Variants in ARFGEF3 observed in about 807,000 individuals in gnomAD.
ARFGEF3 encodes the protein brefeldin A-inhibited guanine nucleotide-exchange protein 3.
A neutral mutation model predicts 221.7 loss-of-function variants in ARFGEF3; 96 were observed. The ratio of observed to expected loss-of-function variants is 0.43; its 90% CI spans 0.37 to 0.51. The LOEUF is 0.51. ARFGEF3 is among the 20% of genes least tolerant of loss of function. The pLI is 0.00. For synonymous variants in ARFGEF3, 1,145 were observed against 1,126.8 expected (o/e 1.02, Z -0.32); for missense variants, 2,410 against 2,789.9 (o/e 0.86, Z 3.07).
chr6:138,162,574 A>T lies in ARFGEF3; in HGVS notation c.85+403A>T, dbSNP rs540580077. 6.6e-6 allele frequency among the ~76,000 whole-genome samples: 1 copy of T among 152,204 alleles called. No individual in the cohort carries two copies. Among genetic ancestry groups the T allele is most frequent in the Non-Finnish European group, 1.5e-5 (1 of 68,026 alleles). ...CAACCCCGATGTCGAATCCTTGGCGAGTGGAACCAGGAAGGAAAGGCTTGT... is the reference window on the plus strand; with the variant it reads ...CAACCCCGATGTCGAATCCTTGGCGTGTGGAACCAGGAAGGAAAGGCTTGT... On this transcript the variant is annotated intron_variant, in intron 1 of 33. Transcript: ENST00000251691. This position sits in a 1 kb window ranked among gnomAD's most constrained non-coding sequence, Gnocchi z 4.7.
At chr6:138,167,296 A>G (rs1776741611) in intron 1 of ARFGEF3, among the ~76,000 whole-genome samples, 1 of 152,172 alleles carries the variant, frequency 6.6e-6, no homozygotes, top group South Asian at 2.1e-4. Flanking sequence ...GAACACACAC[A>G]TACCCACAGC....
chr6:138,205,928 CAG>C (rs1777617503), intron 2 of ARFGEF3, among the ~76,000 whole-genome samples: 1 of 152,226 alleles, frequency 6.6e-6, no homozygotes, highest in African/African-American at 2.4e-5. Context: ...AGCAGAGCTG[CAG>C]AGTGGACAGG....
chr6:138,285,878 G>T, intron 14 of ARFGEF3, 68 bp from the exon 15 acceptor site: 1 of 854,792 alleles, frequency 1.2e-6, no homozygotes, highest in Non-Finnish European at 2.0e-6. Context: ...GAATATTGTG[G>T]TGGCCATTTG....
At position 138,162,741 on chromosome 6, in the gene ARFGEF3, G is replaced by A. The variant is rs78824391; in HGVS notation, c.85+570G>A. Among the ~76,000 whole-genome samples, 273 of 152,312 alleles carry A rather than the reference G, an allele frequency of 1.8e-3. 1 individual carries two copies. Among genetic ancestry groups the A allele is most frequent in the Non-Finnish European group, 3.4e-3 (230 of 68,028 alleles). The stretch of plus-strand genomic sequence containing the variant: ...TGCCCTTCAGACAGGTGGGATTTTA[G>A]GGCTGTGAGCTGTGCTAGCGTTGAA... On this transcript the variant is annotated intron_variant, in intron 1 of 33. Coordinates refer to ENST00000251691, the MANE Select transcript of ARFGEF3 (RefSeq NM_020340.5). The surrounding 1 kb of genome is among the most constrained non-coding windows in gnomAD (Gnocchi z 4.7).
chr6:138,162,213 C>T lies in ARFGEF3; in HGVS notation c.85+42C>T, dbSNP rs1282663175. ...TGCTCGCCGCGGCGGGAGGGCCGCG[C>T]GGCCGGGGCTGAACCCGCGCCTCCG... On this transcript the variant is annotated intron_variant, in intron 1 of 33. Transcript: ENST00000251691. This position sits in a 1 kb window ranked among gnomAD's most constrained non-coding sequence, Gnocchi z 4.7. 2.7e-6 allele frequency: 4 copies of T among 1,502,362 alleles called. No homozygotes were observed. The highest frequency in any genetic ancestry group is 3.6e-6 in the Non-Finnish European group (4 of 1,096,816). 93.1% of individuals were successfully genotyped at this position (1,502,362 alleles called of 1,614,324 possible).
In ARFGEF3 at chr6:138,328,092, C is replaced by T. The variant is rs1467518843; in HGVS notation, c.5073C>T (p.Leu1691=). The change falls in exon 32 of 34, where the codon CTC becomes CTT. Residue 1691 remains leucine, a synonymous_variant. Transcript: ENST00000251691. The part of the protein sequence containing the change: ...NNFDHAQSCQ[L]IIELPPDEKP... ...TTGACCACGCTCAGTCCTGCCAGCT[C>T]ATTATTGAGCTGCCTCCTGATGAAA... 2.5e-6 allele frequency: 4 copies of T among 1,579,428 alleles called. No individual in the cohort carries two copies. Among genetic ancestry groups the T allele is most frequent in the Non-Finnish European group, 3.4e-6 (4 of 1,161,412 alleles).
intron 2 of ARFGEF3, among the ~76,000 whole-genome samples, chr6:138,201,316 T>C (rs1417286480): frequency 6.6e-6 from 1 of 152,210 alleles, no homozygotes; most frequent in Non-Finnish European, 1.5e-5. Context: ...ATCCCACTAC[T>C]GGATATCTAC....
intron 12 of ARFGEF3, among the ~76,000 whole-genome samples, chr6:138,277,741 A>G (rs1039484821): frequency 2.0e-5 from 3 of 152,240 alleles, no homozygotes; most frequent in African/African-American, 7.2e-5. Flanking sequence ...CATTGATTTT[A>G]TAGTGGTGAT....
rs754039889 is a variant in ARFGEF3 at position 138,285,954 on chromosome 6, G to A, written c.2470G>A (p.Gly824Ser). The change falls in exon 15 of 34, where the codon GGC (glycine) becomes AGC (serine). Residue 824 changes from glycine to serine, a missense_variant. Physicochemically the swap from Gly to Ser is moderately conservative, Grantham distance 56 (BLOSUM62 0). Around this residue, in one of 5 missense-constraint regions of ARFGEF3, gnomAD observed 594 missense variants for 734.3 expected, o/e 0.81. Coordinates refer to ENST00000251691, the MANE Select transcript of ARFGEF3 (RefSeq NM_020340.5). ...PLITMLTDIDGLESSAIGGQL... is the reference protein window; with the variant it reads ...PLITMLTDIDSLESSAIGGQL... ...TTCTTTTTCCTTGACAGATATTGACGGCTTAGAGAGCAGTGCCATTGGTGG... is the reference window on the plus strand; with the variant it reads ...TTCTTTTTCCTTGACAGATATTGACAGCTTAGAGAGCAGTGCCATTGGTGG... The A allele has an allele frequency of 3.8e-5, 61 of 1,608,642 alleles. No individual in the cohort carries two copies. Among genetic ancestry groups the A allele is most frequent in the Non-Finnish European group, 3.7e-5 (43 of 1,176,658 alleles).
intron 27 of ARFGEF3, among the ~76,000 whole-genome samples, chr6:138,317,835 C>T (rs1295200097): frequency 1.3e-5 from 2 of 152,046 alleles, no homozygotes; most frequent in Non-Finnish European, 2.9e-5. Flanking sequence ...AGCAACACCC[C>T]GTTTGTGTAA....
chr6:138,219,922 A>G (rs997522659), intron 4 of ARFGEF3, among the ~76,000 whole-genome samples: 5 of 152,224 alleles, frequency 3.3e-5, no homozygotes, highest in Admixed American at 1.3e-4. Flanking sequence ...TGATTCTTGT[A>G]TACTGATTTC....
At position 138,237,513 on chromosome 6, in the gene ARFGEF3, A is replaced by T. The variant is rs192888378; in HGVS notation, c.421-996A>T. On this transcript the variant is annotated intron_variant, in intron 5 of 33. Coordinates refer to ENST00000251691, the MANE Select transcript of ARFGEF3 (RefSeq NM_020340.5). ...TTAGCAGCATATTATCAAATGAGGGATTTTTTTTTCTAATTGAGATTTCTC... is the reference window on the plus strand; with the variant it reads ...TTAGCAGCATATTATCAAATGAGGGTTTTTTTTTTCTAATTGAGATTTCTC... 6.1e-3 allele frequency among the ~76,000 whole-genome samples: 925 copies of T among 151,700 alleles called. 5 individuals are homozygous for T. The highest frequency in any genetic ancestry group is 0.021 in the African/African-American group (855 of 41,370).
Position 138,162,300 on chromosome 6 carries a change from T to C in ARFGEF3, c.85+129T>C. On this transcript the variant is annotated intron_variant, in intron 1 of 33. Coordinates refer to ENST00000251691, the MANE Select transcript of ARFGEF3 (RefSeq NM_020340.5). This position sits in a 1 kb window ranked among gnomAD's most constrained non-coding sequence, Gnocchi z 4.7. ...CGTTCTGGCGATTGCGAGAGTCGCCTCGGGAAATTGATGTGGGATTTGAGA... is the reference window on the plus strand; with the variant it reads ...CGTTCTGGCGATTGCGAGAGTCGCCCCGGGAAATTGATGTGGGATTTGAGA... 1.0e-5 allele frequency: 6 copies of C among 580,162 alleles called. No homozygotes were observed. In the South Asian group the frequency reaches 1.4e-4, roughly 13 times the overall value. The allele number at this position is 580,162 out of a possible 1,614,324, so 35.9% of individuals were successfully genotyped here. A position where few individuals can be genotyped will look rare whatever the true frequency, so the allele number is the denominator to read the frequency against.
chr6:138,203,194 G>A (rs961019891), intron 2 of ARFGEF3, among the ~76,000 whole-genome samples: 11 of 152,042 alleles, frequency 7.2e-5, no homozygotes, highest in Admixed American at 2.6e-4. Context: ...ACTAAAATGG[G>A]TTAAGAAGCA....
At chr6:138,295,378 AG>A (rs35137148) in intron 20 of ARFGEF3, among the ~76,000 whole-genome samples, 1 of 151,846 alleles carries the variant, frequency 6.6e-6, no homozygotes, top group African/African-American at 2.4e-5. Flanking sequence ...CCAGCACTTT[AG>A]GAGGCCGAGG....
chr6:138,310,514 C>A (rs373869097), intron 24 of ARFGEF3, among the ~76,000 whole-genome samples: 1 of 152,322 alleles, frequency 6.6e-6, no homozygotes, highest in South Asian at 2.1e-4. Context: ...TTGCCAAAAA[C>A]ATTTGCTAAC....
intron 10 of ARFGEF3, among the ~76,000 whole-genome samples, chr6:138,260,173 A>C (rs1051599499): frequency 6.6e-6 from 1 of 151,908 alleles, no homozygotes. Context: ...CAGCCTTGTC[A>C]CTCTTTTTTT....
intron 5 of ARFGEF3, among the ~76,000 whole-genome samples, chr6:138,236,669 G>C (rs922720092): frequency 1.3e-5 from 2 of 152,030 alleles, no homozygotes; most frequent in Non-Finnish European, 2.9e-5. Flanking sequence ...GTTTTGCCCC[G>C]TTGCGCCCAG....
rs779704054 is a variant in ARFGEF3, at chr6:138,262,716, G to A, written c.1233G>A (p.Met411Ile). 1.9e-6 allele frequency: 3 copies of A among 1,603,172 alleles called. No homozygotes were observed. In the South Asian group the frequency reaches 3.3e-5, roughly 18 times the overall value. ...CACTGTTTAGCATCATGGATGGCAT[G>A]ACCGAAGCATGCATCAAGGGTGGCA... The part of the protein sequence containing the change: ...LDLLKLIMDG[M>I]TEACIKGGIE... The change falls in exon 12 of 34, where the codon ATG (methionine) becomes ATA (isoleucine). Residue 411 changes from methionine to isoleucine, a missense_variant. Met to Ile is a conservative substitution (Grantham distance 10). Coordinates refer to ENST00000251691, the MANE Select transcript of ARFGEF3 (RefSeq NM_020340.5).
Sources: allele counts gnomAD v4.1 joint callset (sites outside exome capture counted in the v4.1 genomes callset), GRCh38; gene constraint gnomAD v4.1.1; regional missense constraint gnomAD v4.1.1; non-coding constraint Gnocchi (gnomAD v3.1); transcripts MANE v1.5; gene names NCBI Gene and HGNC (gene_info 2026-07-23, HGNC 2026-07-21).